The following TSHZ3 variants were observed in gnomAD, a reference collection of about 807,000 sequenced individuals.
TSHZ3 encodes the protein teashirt homolog 3.
Under a neutral mutation model 64.5 loss-of-function variants are expected in TSHZ3, and 10 were observed. The ratio of observed to expected loss-of-function variants is 0.16; its 90% CI spans 0.10 to 0.26. The LOEUF (loss-of-function observed/expected upper bound fraction) is 0.26. TSHZ3 is among the 10% of genes least tolerant of loss of function. The pLI is 1.00. For synonymous variants in TSHZ3, 608 were observed against 593.1 expected (o/e 1.03, Z -0.36); for missense variants, 1,242 against 1,421.7 (o/e 0.87, Z 2.03).
chr19:31,152,511 C>T (rs1465511328), intron 6 of TSHZ3, among the ~76,000 whole-genome samples: 1 of 152,020 alleles, frequency 6.6e-6, no homozygotes, highest in Non-Finnish European at 1.5e-5. Context: ...GAGTTCACAG[C>T]CTTTTCATGG....
At chr19:31,236,034 T>C (rs1280887130) in intron 3 of TSHZ3, among the ~76,000 whole-genome samples, 1 of 152,222 alleles carries the variant, frequency 6.6e-6, no homozygotes, top group Non-Finnish European at 1.5e-5. Context: ...TGTCAACGTA[T>C]GTATGCTTAG....
chr19:31,301,837 G>A (rs1007984057), intron 1 of TSHZ3, among the ~76,000 whole-genome samples: 2 of 152,056 alleles, frequency 1.3e-5, no homozygotes, highest in Non-Finnish European at 2.9e-5. Flanking sequence ...GCTGCCTTTG[G>A]TAAGGCACAC....
intron 5 of TSHZ3, among the ~76,000 whole-genome samples, chr19:31,166,561 C>T (rs147672578): frequency 1.3e-5 from 2 of 152,266 alleles, no homozygotes; most frequent in East Asian, 1.9e-4. Flanking sequence ...ATATATCCCT[C>T]CTCCACTGGA....
chr19:31,268,239 A>C (rs1429313163), intron 1 of TSHZ3, among the ~76,000 whole-genome samples: 1 of 152,096 alleles, frequency 6.6e-6, no homozygotes, highest in Admixed American at 6.5e-5. Context: ...TCTTTCCTTC[A>C]TAAATTACCC....
chr19:31,317,004 A>G (rs1916620336), intron 1 of TSHZ3, among the ~76,000 whole-genome samples: 1 of 152,162 alleles, frequency 6.6e-6, no homozygotes, highest in South Asian at 2.1e-4. Flanking sequence ...GGCACCTTCT[A>G]TCAATTTGAA....
chr19:31,185,968 A>G (rs1358505366), intron 5 of TSHZ3, among the ~76,000 whole-genome samples: 1 of 152,002 alleles, frequency 6.6e-6, no homozygotes, highest in Non-Finnish European at 1.5e-5. Flanking sequence ...ACCCACCACA[A>G]TGTTTCTGTG....
intron 4 of TSHZ3, among the ~76,000 whole-genome samples, chr19:31,209,825 C>G (rs553399383): frequency 6.6e-6 from 1 of 152,084 alleles, no homozygotes; most frequent in Admixed American, 6.5e-5. Flanking sequence ...GTAATCCTGA[C>G]TTGAGAGATG....
intron 4 of TSHZ3, among the ~76,000 whole-genome samples, chr19:31,222,856 T>C (rs2145169179): frequency 6.6e-6 from 1 of 152,208 alleles, no homozygotes; most frequent in Admixed American, 6.5e-5. Context: ...TAGTCTTCCC[T>C]ATTCACTTCA....
At chr19:31,151,319 G>A (rs1313269700) in exon 7 of TSHZ3, among the ~76,000 whole-genome samples, 2 of 152,018 alleles carry the variant, frequency 1.3e-5, no homozygotes, top group African/African-American at 4.8e-5. Context: ...ATTCTTTACA[G>A]GCCTGGCAAG....
At chr19:31,198,743 A>G (rs1975029495) in intron 5 of TSHZ3, among the ~76,000 whole-genome samples, 1 of 152,180 alleles carries the variant, frequency 6.6e-6, no homozygotes, top group Admixed American at 6.5e-5. Context: ...CAAAATCTAT[A>G]TGAAGAAAAC....
At chr19:31,264,730 C>T (rs1599611574) in intron 1 of TSHZ3, among the ~76,000 whole-genome samples, 2 of 150,786 alleles carry the variant, frequency 1.3e-5, no homozygotes, top group South Asian at 2.1e-4. Context: ...TTTTTTAAGC[C>T]GTGTGGCTCA....
intron 4 of TSHZ3, among the ~76,000 whole-genome samples, chr19:31,226,065 GCAGTGAGCCAACCT>G (rs1228568398): frequency 6.6e-6 from 1 of 151,588 alleles, no homozygotes. Flanking sequence ...GATGGAGGTT[GCAGTGAGCCAACCT>G]CATGCCACTG....
chr19:31,322,932 G>T (rs1182391487), intron 1 of TSHZ3, among the ~76,000 whole-genome samples: 1 of 152,180 alleles, frequency 6.6e-6, no homozygotes, highest in Non-Finnish European at 1.5e-5. Context: ...GTCTATTGAT[G>T]AAAATTTGGA....
chr19:31,163,395 C>G (rs1974396413), intron 5 of TSHZ3, among the ~76,000 whole-genome samples: 1 of 152,132 alleles, frequency 6.6e-6, no homozygotes, highest in Non-Finnish European at 1.5e-5. Context: ...AGAGGCATGA[C>G]AGTTTCAGTG....
At chr19:31,185,835 C>T (rs936723367) in intron 5 of TSHZ3, among the ~76,000 whole-genome samples, 1 of 152,154 alleles carries the variant, frequency 6.6e-6, no homozygotes, top group African/African-American at 2.4e-5. Flanking sequence ...GCCTGCCTTC[C>T]CACCCATCCA....
At chr19:31,239,443 T>G (rs535350775) in intron 3 of TSHZ3, among the ~76,000 whole-genome samples, 4 of 152,210 alleles carry the variant, frequency 2.6e-5, no homozygotes, top group Admixed American at 6.5e-5. Context: ...TATTCACTAT[T>G]TCTTTTTTGC....
intron 4 of TSHZ3, among the ~76,000 whole-genome samples, chr19:31,215,857 C>G (rs747238399): frequency 6.6e-6 from 1 of 151,346 alleles, no homozygotes; most frequent in African/African-American, 2.4e-5. Context: ...GGCGACAAAG[C>G]GAGACTCTGT....
At chr19:31,220,677 T>C (rs1975384870) in intron 4 of TSHZ3, among the ~76,000 whole-genome samples, 1 of 152,132 alleles carries the variant, frequency 6.6e-6, no homozygotes, top group South Asian at 2.1e-4. Context: ...TAAGGAAGGA[T>C]GATCACAGGG....
intron 4 of TSHZ3, among the ~76,000 whole-genome samples, chr19:31,224,027 G>A (rs1325890941): frequency 6.6e-6 from 1 of 152,190 alleles, no homozygotes; most frequent in East Asian, 1.9e-4. Flanking sequence ...GTAGAAGCAA[G>A]GTGATGAAAA....
Sources: allele counts gnomAD v4.1 joint callset (sites outside exome capture counted in the v4.1 genomes callset), GRCh38; gene constraint gnomAD v4.1.1; transcripts MANE v1.5; gene names NCBI Gene and HGNC (gene_info 2026-07-23, HGNC 2026-07-21).